Variants in ARID5B observed in about 807,000 individuals in gnomAD.
ARID5B encodes AT-rich interaction domain 5B, also known as AT-rich interactive domain-containing protein 5B.
ARID5B carries 13 observed loss-of-function variants against 97.2 expected under a neutral mutation model. The ratio of observed to expected loss-of-function variants is 0.13; its 90% confidence interval spans 0.09 to 0.21. The LOEUF (loss-of-function observed/expected upper bound fraction) is 0.21, where lower values mean the gene tolerates loss of function less well. Among genes scored for constraint, ARID5B ranks in the 10% least tolerant of loss-of-function variants. The probability of loss-of-function intolerance (pLI) is 1.00; values close to 1 mark genes in which losing one functional copy is unlikely to be tolerated. For missense variants in ARID5B, 1,210 were observed against 1,465.3 expected, an observed-to-expected ratio of 0.83 and a Z score of 2.84; for synonymous variants, 556 against 570.3, an observed-to-expected ratio of 0.97 and a Z score of 0.36.
At chr10:61,948,514 G>A (rs554871497) in intron 3 of ARID5B, among the ~76,000 whole-genome samples, 12 of 149,380 alleles carry the variant, frequency 8.0e-5, no homozygotes, top group African/African-American at 2.5e-4. Context: ...CTACAGGTGC[G>A]CGCCACCACA....
rs1840424788 is a variant in ARID5B, at chr10:62,093,766, T to C, written c.*736T>C. On this transcript the variant is annotated 3_prime_UTR_variant, in exon 10 of 10. Coordinates refer to ENST00000279873, the MANE Select transcript of ARID5B (RefSeq NM_032199.3). ...GACTGTCCTAGTTGTTGTGTGTTTGTAATTTTTCCACATCTTATTTTGAGC... is the reference window on the plus strand; with the variant it reads ...GACTGTCCTAGTTGTTGTGTGTTTGCAATTTTTCCACATCTTATTTTGAGC... The C allele has an allele frequency of 4.3e-6, 1 of 233,212 alleles. No individual in the cohort carries two copies. The allele number at this position is 233,212 out of a possible 1,614,324, so 14.4% of individuals were successfully genotyped here. A position where few individuals can be genotyped will look rare whatever the true frequency, so the allele number is the denominator to read the frequency against.
At chr10:61,937,841 A>G (rs553490642) in intron 2 of ARID5B, among the ~76,000 whole-genome samples, 34 of 152,150 alleles carry the variant, frequency 2.2e-4, no homozygotes, top group Non-Finnish European at 3.8e-4. Flanking sequence ...GACATTTTCT[A>G]TATATATGTT....
At position 62,028,387 on chromosome 10, in the gene ARID5B, G is replaced by C. The variant is rs192106078; in HGVS notation, c.734-22501G>C. 5.9e-5 allele frequency among the ~76,000 whole-genome samples: 9 copies of C among 152,218 alleles called. No homozygotes were observed. In the East Asian group the frequency reaches 1.7e-3, roughly 29 times the overall value. ...TGTTGTCACTGCATTCTGCTTTTCA[G>C]CCTCTCTCCTTCCAGGCCACTTTGT... On this transcript the variant is annotated intron_variant, in intron 4 of 9. Coordinates refer to ENST00000279873, the MANE Select transcript of ARID5B (RefSeq NM_032199.3).
rs762663091 is a variant in ARID5B, at chr10:61,901,717, C to T, written c.8C>T (p.Pro3Leu). 2 of 1,613,834 alleles carry T rather than the reference C, an allele frequency of 1.2e-6. No individual in the cohort carries two copies. The highest frequency in any genetic ancestry group is 1.7e-6 in the Non-Finnish European group (2 of 1,179,994). The change falls in exon 1 of 10, where the codon CCC (proline) becomes CTC (leucine). Residue 3 changes from proline (P) to leucine (L), a missense_variant. This residue lies in a region of ARID5B where 80 missense variants were observed against 133.2 expected (regional missense o/e 0.60). Coordinates refer to ENST00000279873, the MANE Select transcript of ARID5B (RefSeq NM_032199.3). ...TCAATTCAGAACGTCGAGATGGAGC[C>T]CAACTCACTCCAGGTATTTCGCTCT... Reference protein sequence around the residue: MEPNSLQWVGSPC... With the variant: MELNSLQWVGSPC...
In ARID5B at chr10:62,092,271, C is replaced by A; in HGVS notation, c.2808C>A (p.Gly936=). 6.2e-7 allele frequency: 1 copy of A among 1,606,526 alleles called. No homozygotes were observed. Among genetic ancestry groups the A allele is most frequent in the South Asian group, 1.1e-5 (1 of 89,594 alleles). Residue 936 remains glycine (G), a synonymous_variant, in exon 10 of 10, where the codon GGC becomes GGA. Coordinates refer to ENST00000279873, the MANE Select transcript of ARID5B (RefSeq NM_032199.3). ...CCACAGGGCCCCAGGAGAGCAAAGG[C>A]ATCTCCCAGTTCCAGGTCTTAGGCA... ...HSTTGPQESK[G]ISQFQVLGSQ... is the part of the protein sequence containing the mutation.
chr10:61,983,911 C>G (rs1319590964), intron 3 of ARID5B, among the ~76,000 whole-genome samples: 1 of 15,068 alleles, frequency 6.6e-5, no homozygotes, highest in Non-Finnish European at 1.3e-4. Flanking sequence ...GACGGAGTCT[C>G]GCTCTGTCGC....
chr10:62,095,053 TG>T lies in ARID5B; in HGVS notation c.*2024del, dbSNP rs1189101253. 5 of 229,468 alleles carry T rather than the reference TG, an allele frequency of 2.2e-5. No individual in the cohort carries two copies. Among genetic ancestry groups the T allele is most frequent in the Middle Eastern group, 1.3e-3 (1 of 788 alleles). The allele number at this position is 229,468 out of a possible 1,614,324, so 14.2% of individuals were successfully genotyped here. On this transcript the variant is annotated 3_prime_UTR_variant, in exon 10 of 10. Coordinates refer to ENST00000279873, the MANE Select transcript of ARID5B (RefSeq NM_032199.3). ...GAAACAAAAGAATGTAGAGATCCAG[TG>T]TTAAGAGTTCCATTTGCTTCAATTA...
At chr10:61,967,570 T>A (rs546051673) in intron 3 of ARID5B, among the ~76,000 whole-genome samples, 1 of 152,330 alleles carries the variant, frequency 6.6e-6, no homozygotes, top group South Asian at 2.1e-4. Flanking sequence ...TTTTCTTGCA[T>A]CCATATGCTT....
chr10:61,937,816 A>G (rs1285049737), intron 2 of ARID5B, among the ~76,000 whole-genome samples: 5 of 152,222 alleles, frequency 3.3e-5, no homozygotes, highest in Admixed American at 3.3e-4. Context: ...GTGTGCACAA[A>G]GTAATGTTTC....
chr10:61,987,994 T>C (rs1466552059), intron 3 of ARID5B, among the ~76,000 whole-genome samples: 1 of 152,214 alleles, frequency 6.6e-6, no homozygotes, highest in African/African-American at 2.4e-5. Context: ...TGGTAGGTAC[T>C]TTGGGAAAGG....
chr10:62,041,056 C>T (rs1048384841), intron 4 of ARID5B, among the ~76,000 whole-genome samples: 6 of 152,200 alleles, frequency 3.9e-5, no homozygotes, highest in Non-Finnish European at 7.3e-5. Flanking sequence ...GCTTGCCCCA[C>T]GGCTTATAAT....
At chr10:61,933,343 A>G (rs999268831) in intron 2 of ARID5B, among the ~76,000 whole-genome samples, 1 of 152,204 alleles carries the variant, frequency 6.6e-6, no homozygotes, top group Non-Finnish European at 1.5e-5. Flanking sequence ...GGTTGAATCA[A>G]TGCCTTCCAA....
intron 8 of ARID5B, among the ~76,000 whole-genome samples, chr10:62,078,066 T>C (rs2132966131): frequency 6.6e-6 from 1 of 152,386 alleles, no homozygotes; most frequent in Non-Finnish European, 1.5e-5. Context: ...GGGAGAACTG[T>C]TGAACATTTC....
intron 7 of ARID5B, among the ~76,000 whole-genome samples, chr10:62,063,754 A>G (rs181028166): frequency 2.6e-5 from 4 of 152,342 alleles, no homozygotes; most frequent in Non-Finnish European, 5.9e-5. Flanking sequence ...TTCCTTCCAA[A>G]CATTAGAATG....
At chr10:62,090,195 C>T (rs1402386904) in intron 9 of ARID5B, among the ~76,000 whole-genome samples, 2 of 152,216 alleles carry the variant, frequency 1.3e-5, no homozygotes, top group Non-Finnish European at 2.9e-5. Context: ...ATGTAGTTTG[C>T]TGCAACCTAG....
chr10:62,073,421 T>C lies in ARID5B; in HGVS notation c.1199+3624T>C, dbSNP rs149085090. ...TTTGGTTTATTAATGAGTGCAATAA[T>C]GAAAGTGTGGGTTGTTGAAAAGAAT... On this transcript the variant is annotated intron_variant, in intron 8 of 9. Coordinates refer to ENST00000279873, the MANE Select transcript of ARID5B (RefSeq NM_032199.3). 8.7e-3 allele frequency among the ~76,000 whole-genome samples: 1,323 copies of C among 152,332 alleles called. 12 individuals carry two copies. Among genetic ancestry groups the C allele is most frequent in the Admixed American group, 0.018 (281 of 15,304 alleles).
chr10:61,969,332 GT>G (rs937007226), intron 3 of ARID5B, among the ~76,000 whole-genome samples: 1 of 152,036 alleles, frequency 6.6e-6, no homozygotes, highest in Admixed American at 6.6e-5. Flanking sequence ...AAAATTCCCA[GT>G]TTTGTGAGGT....
intron 8 of ARID5B, among the ~76,000 whole-genome samples, chr10:62,071,722 C>G (rs181100539): frequency 2.6e-5 from 4 of 152,048 alleles, no homozygotes; most frequent in South Asian, 2.1e-4. Context: ...CTTTCAATCA[C>G]ATTAGAAAAT....
At chr10:61,998,137 C>T (rs1839026781) in intron 3 of ARID5B, among the ~76,000 whole-genome samples, 2 of 152,162 alleles carry the variant, frequency 1.3e-5, no homozygotes, top group South Asian at 2.1e-4. Context: ...GTGGAAAAGC[C>T]GCCAGCCTGA....
Sources: gnomAD v4.1 joint callset for allele counts (sites outside exome capture counted in the v4.1 genomes callset) on GRCh38, gnomAD v4.1.1 for gene constraint, gnomAD v4.1.1 regional missense constraint, MANE v1.5 for transcripts, NCBI Gene and HGNC (gene_info 2026-07-23, HGNC 2026-07-21) for gene names.